APPBP2: variants seen among roughly 807,000 people sequenced by gnomAD.
APPBP2 encodes amyloid beta precursor protein binding protein 2, also known as amyloid protein-binding protein 2.
APPBP2 carries 15 observed loss-of-function variants against 76.0 expected under a neutral mutation model. The observed-to-expected ratio is 0.20, with a 90% CI of 0.13 to 0.30. The LOEUF (loss-of-function observed/expected upper bound fraction) is 0.30. Ranked by LOEUF, APPBP2 falls within the 10% of genes least tolerant of loss-of-function variation. The pLI is 1.00. For missense variants in APPBP2, 401 were observed against 687.2 expected (o/e 0.58, Z 4.66); for synonymous variants, 222 against 242.2 (o/e 0.92, Z 0.77).
intron 3 of APPBP2, among the ~76,000 whole-genome samples, chr17:60,490,086 T>C (rs973713877): frequency 6.6e-6 from 1 of 151,988 alleles, no homozygotes; most frequent in Non-Finnish European, 1.5e-5. Flanking sequence ...CAAACAAAAA[T>C]AGTTTGTGGT....
intron 3 of APPBP2, among the ~76,000 whole-genome samples, chr17:60,481,898 T>C (rs370369951): frequency 1.3e-5 from 2 of 152,234 alleles, no homozygotes; most frequent in Non-Finnish European, 2.9e-5. Flanking sequence ...ATTTCTTTTT[T>C]TAGAGACAGA....
At chr17:60,479,377 A>G in intron 3 of APPBP2, 106 bp from the exon 4 acceptor site, 1 of 1,212,106 alleles carries the variant, frequency 8.3e-7, no homozygotes, top group Non-Finnish European at 1.1e-6. Context: ...AAACCATGAT[A>G]GTAAAATCTT....
intron 1 of APPBP2, among the ~76,000 whole-genome samples, chr17:60,509,931 G>A (rs958732029): frequency 6.6e-6 from 1 of 152,186 alleles, no homozygotes; most frequent in Non-Finnish European, 1.5e-5. Flanking sequence ...AATTGTTAAA[G>A]CTAGGTGATA....
rs60043373 is a variant in APPBP2, at chr17:60,494,984, G to GTTT, written c.228-370_228-368dup. Among the ~76,000 whole-genome samples, 51 of 107,038 alleles carry GTTT rather than the reference G, an allele frequency of 4.8e-4. 2 individuals are homozygous for GTTT. The highest frequency in any genetic ancestry group is 4.0e-3 in the East Asian group (17 of 4,226). The allele number at this position is 107,038 out of a possible 152,430, so 70.2% of individuals were successfully genotyped here. A position where few individuals can be genotyped will look rare whatever the true frequency, so the allele number is the denominator to read the frequency against. ...AGAAGAGTTTTTTTTGTTTTGTTTT[G>GTTT]TTTTTTTTTTTTTTTTTTGAGATGG... On this transcript the variant is annotated intron_variant, in intron 2 of 12. Coordinates refer to ENST00000083182, the MANE Select transcript of APPBP2 (RefSeq NM_006380.5).
chr17:60,526,172 A>G lies in APPBP2; in HGVS notation c.-241T>C, dbSNP rs2091053998. On this transcript the variant is annotated 5_prime_UTR_variant, in exon 1 of 13. Transcript: ENST00000083182. ...AGCGGCCAGCCAGGCCAAAAGCGTC[A>G]CAATCCCGGTTCGAGAGGAACCCGG... is the stretch of plus-strand genomic sequence containing the variant. 1 of 519,990 alleles carries G rather than the reference A, an allele frequency of 1.9e-6. No homozygotes were observed. Among genetic ancestry groups the G allele is most frequent in the African/African-American group, 1.9e-5 (1 of 52,070 alleles). The allele number at this position is 519,990 out of a possible 1,614,324, so 32.2% of individuals were successfully genotyped here. A position where few individuals can be genotyped will look rare whatever the true frequency, so the allele number is the denominator to read the frequency against.
At chr17:60,483,745 T>C (rs1473636322) in intron 3 of APPBP2, among the ~76,000 whole-genome samples, 2 of 152,206 alleles carry the variant, frequency 1.3e-5, no homozygotes, top group African/African-American at 2.4e-5. Flanking sequence ...TAGATCCCAT[T>C]TGTCAATTTT....
At chr17:60,454,175 TACTC>T (rs1417454549) in intron 11 of APPBP2, 123 bp downstream of exon 11, 8 of 694,352 alleles carry the variant, frequency 1.2e-5, no homozygotes, top group South Asian at 2.6e-5. Flanking sequence ...TGTTGTTTTA[TACTC>T]ACTATCTTCT....
chr17:60,474,175 T>A (rs7218314), intron 4 of APPBP2, among the ~76,000 whole-genome samples: 12,425 of 151,870 alleles, frequency 0.082, 1,670 homozygotes, highest in African/African-American at 0.28. Context: ...CATTTTTTTT[T>A]TATTTTTTTT....
rs753380188 is a variant in APPBP2, at chr17:60,525,896, A to C, written c.36T>G (p.Thr12=). The change falls in exon 1 of 13, where the codon ACT becomes ACG. Residue 12 remains threonine, a synonymous_variant. Transcript: ENST00000083182. The stretch of plus-strand genomic sequence containing the variant: ...CAGCGGAGATGGCGGTGTTATAGAG[A>C]GTCTCTGGGATCCACTCTAGTTCCA... ...AAVELEWIPE[T]LYNTAISAVV... 1.2e-6 allele frequency: 2 copies of C among 1,613,586 alleles called. No homozygotes were observed. Among genetic ancestry groups the C allele is most frequent in the Non-Finnish European group, 1.7e-6 (2 of 1,179,892 alleles).
chr17:60,466,788 A>G (rs2143336895), intron 4 of APPBP2, among the ~76,000 whole-genome samples: 1 of 152,380 alleles, frequency 6.6e-6, no homozygotes, highest in South Asian at 2.1e-4. Flanking sequence ...GCTTCAGTAT[A>G]AGAAACTTGG....
intron 12 of APPBP2, among the ~76,000 whole-genome samples, chr17:60,451,673 T>A (rs1478048770): frequency 6.6e-6 from 1 of 152,012 alleles, no homozygotes; most frequent in Non-Finnish European, 1.5e-5. Flanking sequence ...GAGATGGGGT[T>A]TCACCATGTT....
intron 3 of APPBP2, among the ~76,000 whole-genome samples, chr17:60,486,454 G>C (rs546751784): frequency 1.3e-4 from 19 of 150,208 alleles, no homozygotes; most frequent in African/African-American, 4.8e-4. Flanking sequence ...TTATGTGATG[G>C]CCTCGTCTCT....
intron 5 of APPBP2, 43 bp downstream of exon 5, chr17:60,466,248 A>G: frequency 6.5e-7 from 1 of 1,548,044 alleles, no homozygotes; most frequent in Non-Finnish European, 8.8e-7. Flanking sequence ...CTGTTTTTAT[A>G]GGTACTTATT....
At chr17:60,484,996 T>G (rs899627955) in intron 3 of APPBP2, among the ~76,000 whole-genome samples, 1 of 152,182 alleles carries the variant, frequency 6.6e-6, no homozygotes, top group East Asian at 1.9e-4. Flanking sequence ...CTGTTTATGT[T>G]ATGGATTACG....
intron 3 of APPBP2, among the ~76,000 whole-genome samples, chr17:60,492,948 A>G (rs1005867970): frequency 4.6e-5 from 7 of 152,306 alleles, no homozygotes; most frequent in East Asian, 1.9e-4. Context: ...CTCATTTTGA[A>G]TTATAGTTCC....
At chr17:60,486,275 C>G (rs1205937194) in intron 3 of APPBP2, among the ~76,000 whole-genome samples, 1 of 152,130 alleles carries the variant, frequency 6.6e-6, no homozygotes, top group East Asian at 1.9e-4. Context: ...TCTCATTGAT[C>G]TGTCTAATAT....
intron 1 of APPBP2, among the ~76,000 whole-genome samples, chr17:60,521,392 A>C (rs2091008708): frequency 6.6e-6 from 1 of 152,174 alleles, no homozygotes. Flanking sequence ...AGGCCTTCAC[A>C]TTCACTCACC....
intron 9 of APPBP2, 121 bp downstream of exon 9, chr17:60,460,542 G>C: frequency 9.9e-7 from 1 of 1,010,422 alleles, no homozygotes; most frequent in African/African-American, 1.6e-5. Flanking sequence ...AGGAAGACAA[G>C]TTCAATCCAT....
chr17:60,458,601 T>C (rs1284376694), intron 9 of APPBP2, among the ~76,000 whole-genome samples: 5 of 152,226 alleles, frequency 3.3e-5, no homozygotes, highest in Admixed American at 6.5e-5. Context: ...TACTGAACTC[T>C]GGCTGCTGTA....
Sources: gnomAD v4.1 joint callset for allele counts (sites outside exome capture counted in the v4.1 genomes callset) on GRCh38, gnomAD v4.1.1 for gene constraint, MANE v1.5 for transcripts, NCBI Gene and HGNC (gene_info 2026-07-23, HGNC 2026-07-21) for gene names.